The following ZC3H7B variants were observed in gnomAD, a reference collection of about 807,000 sequenced individuals.
The protein encoded by ZC3H7B is zinc finger CCCH domain-containing protein 7B.
A neutral mutation model predicts 116.0 loss-of-function variants in ZC3H7B; 35 were observed. The observed-to-expected ratio is 0.30, with a 90% CI of 0.23 to 0.40. The LOEUF is 0.40. Among genes scored for constraint, ZC3H7B ranks in the 10% least tolerant of loss-of-function variants. The pLI is 1.00. For missense variants in ZC3H7B, 1,011 were observed against 1,321.5 expected (o/e 0.77, Z 3.64); for synonymous variants, 502 against 545.6 (o/e 0.92, Z 1.11).
intron 22 of ZC3H7B, 69 bp downstream of exon 22, chr22:41,356,877 C>G (rs1226602547): frequency 4.4e-6 from 7 of 1,597,478 alleles, no homozygotes; most frequent in Non-Finnish European, 6.0e-6. Flanking sequence ...GTGGCCAGCT[C>G]TGGCTCCTCT....
chr22:41,337,196 C>T (rs946099281), intron 7 of ZC3H7B, among the ~76,000 whole-genome samples: 2 of 151,874 alleles, frequency 1.3e-5, no homozygotes, highest in East Asian at 1.9e-4. Flanking sequence ...GGCGTGGTGA[C>T]GGGTGCCTGT....
chr22:41,317,081 G>C (rs868236507), intron 1 of ZC3H7B, among the ~76,000 whole-genome samples: 1 of 151,420 alleles, frequency 6.6e-6, no homozygotes, highest in Admixed American at 6.6e-5. Context: ...CTCGTTATCC[G>C]CCTGCCTCAG....
chr22:41,356,377 G>A lies in ZC3H7B; in HGVS notation c.2418G>A (p.Leu806=), dbSNP rs2036717186. The change falls in exon 21 of 23, where the codon CTG becomes CTA. Residue 806 remains leucine, a synonymous_variant. Coordinates refer to ENST00000352645, the MANE Select transcript of ZC3H7B (RefSeq NM_017590.6). Reference sequence around the variant, plus strand: ...TGCAGCAGACCTATGACATGTGGCTGAAAAAACACAACCCAGGAAAGCCTG... The same window carrying A: ...TGCAGCAGACCTATGACATGTGGCTAAAAAAACACAACCCAGGAAAGCCTG... ...LDMQQTYDMW[L]KKHNPGKPGE... 1.2e-6 allele frequency: 2 copies of A among 1,614,120 alleles called. No homozygotes were observed. Among genetic ancestry groups the A allele is most frequent in the Non-Finnish European group, 1.7e-6 (2 of 1,180,038 alleles).
Position 41,340,038 on chromosome 22 carries a change from G to A in ZC3H7B, c.1039G>A (p.Asp347Asn), listed in dbSNP as rs776136179. ...CCTCGATCCCCCGGGCCCCACGCTG[G>A]ACCCCCTGGACCTGCTGCCGTACTC... is the stretch of plus-strand genomic sequence containing the variant. ...DALDPPGPTL[D>N]PLDLLPYSET... The change falls in exon 10 of 23, where the codon GAC (aspartate) becomes AAC (asparagine). Residue 347 changes from aspartate (D) to asparagine (N), a missense_variant. Around this residue, in one of 5 missense-constraint regions of ZC3H7B, gnomAD observed 99 missense variants for 89.5 expected, o/e 1.11. Coordinates refer to ENST00000352645, the MANE Select transcript of ZC3H7B (RefSeq NM_017590.6). The A allele has an allele frequency of 1.5e-5, 24 of 1,611,304 alleles. 1 individual carries two copies. In the South Asian group the frequency reaches 2.5e-4, roughly 17 times the overall value.
intron 10 of ZC3H7B, 139 bp from the exon 11 acceptor site, chr22:41,340,949 T>G: frequency 1.4e-6 from 1 of 720,696 alleles, no homozygotes; most frequent in African/African-American, 1.8e-5. Flanking sequence ...GAGGATAGAG[T>G]CAGGGGTTCA....
intron 1 of ZC3H7B, among the ~76,000 whole-genome samples, chr22:41,312,734 CCT>C (rs1451665080): frequency 2.6e-5 from 4 of 151,548 alleles, no homozygotes; most frequent in African/African-American, 9.7e-5. Flanking sequence ...GTGGTGAAAC[CCT>C]GTCTCTACAA....
At chr22:41,324,417 G>A (rs1019271856) in intron 2 of ZC3H7B, among the ~76,000 whole-genome samples, 1 of 152,220 alleles carries the variant, frequency 6.6e-6, no homozygotes, top group African/African-American at 2.4e-5. Context: ...TCCAGGCAAC[G>A]GAAAGATCTC....
rs1489223137 is a variant in ZC3H7B, at chr22:41,327,062, C to G, written c.286-144C>G. ...AGTGCTTCCTTCTCTCCTGGAGCCT[C>G]GAGCCCTGTCCCTGACCCAAGACTT... On this transcript the variant is annotated intron_variant, in intron 4 of 22. Coordinates refer to ENST00000352645, the MANE Select transcript of ZC3H7B (RefSeq NM_017590.6). This position sits in a 1 kb window ranked among gnomAD's most constrained non-coding sequence, Gnocchi z 4.5. 1.7e-6 allele frequency: 2 copies of G among 1,183,324 alleles called. No individual in the cohort carries two copies. Among genetic ancestry groups the G allele is most frequent in the Admixed American group, 2.6e-5 (1 of 38,308 alleles). 73.3% of individuals were successfully genotyped at this position (1,183,324 alleles called of 1,614,324 possible).
intron 7 of ZC3H7B, chr22:41,332,484 C>T: frequency 2.2e-6 from 1 of 461,142 alleles, no homozygotes; most frequent in Non-Finnish European, 3.9e-6. Context: ...GCAGCCTGGT[C>T]CCACACGCCT....
At position 41,356,038 on chromosome 22, in the gene ZC3H7B, T is replaced by C; in HGVS notation, c.2359T>C (p.Trp787Arg). Residue 787 changes from tryptophan (W) to arginine (R), a missense_variant, in exon 20 of 23, where the codon TGG becomes CGG. By Grantham distance (101) the Trp-to-Arg change is moderately radical (BLOSUM62 -3). This residue lies in a region of ZC3H7B where 406 missense variants were observed against 590.2 expected (regional missense o/e 0.69). Coordinates refer to ENST00000352645, the MANE Select transcript of ZC3H7B (RefSeq NM_017590.6). The part of the protein sequence containing the change: ...FAHSPEERDM[W>R]TFMKENKILD... ...ACACAGCCCGGAGGAGAGGGACATG[T>C]GGACCTTCATGAAGGAGAACAAGAG... 1 of 1,567,420 alleles carries C rather than the reference T, an allele frequency of 6.4e-7. No homozygotes were observed. Among genetic ancestry groups the C allele is most frequent in the Non-Finnish European group, 8.6e-7 (1 of 1,162,158 alleles).
intron 1 of ZC3H7B, among the ~76,000 whole-genome samples, chr22:41,303,503 A>G (rs541096080): frequency 5.3e-4 from 80 of 152,330 alleles, no homozygotes; most frequent in Non-Finnish European, 9.6e-4. Flanking sequence ...CCTCAATCTG[A>G]AAATAATAAT....
intron 17 of ZC3H7B, among the ~76,000 whole-genome samples, chr22:41,353,700 C>A (rs528818919): frequency 2.2e-3 from 337 of 152,346 alleles, no homozygotes; most frequent in Non-Finnish European, 2.2e-3. Flanking sequence ...GGGAGCAGGG[C>A]AGGCTGCCGG....
chr22:41,352,189 T>C (rs2036661752), intron 17 of ZC3H7B, among the ~76,000 whole-genome samples: 1 of 152,226 alleles, frequency 6.6e-6, no homozygotes, highest in Non-Finnish European at 1.5e-5. Flanking sequence ...TTGTGTTGCA[T>C]TGAGGTTTTT....
chr22:41,320,572 A>C, intron 1 of ZC3H7B, 83 bp from the exon 2 acceptor site: 1 of 1,511,952 alleles, frequency 6.6e-7, no homozygotes, highest in Admixed American at 1.7e-5. Context: ...GAGAGCACCC[A>C]ATCACAGGAC....
At position 41,327,245 on chromosome 22, in the gene ZC3H7B, C is replaced by T; in HGVS notation, c.325C>T (p.Leu109=). 2 of 1,614,118 alleles carry T rather than the reference C, an allele frequency of 1.2e-6. No individual in the cohort carries two copies. Among genetic ancestry groups the T allele is most frequent in the Non-Finnish European group, 1.7e-6 (2 of 1,180,054 alleles). The change falls in exon 5 of 23, where the codon CTG becomes TTG. Residue 109 remains leucine (L), a synonymous_variant. Transcript: ENST00000352645. This position sits in a 1 kb window ranked among gnomAD's most constrained non-coding sequence, Gnocchi z 4.5. ...GGCGCTGGAGGACAGCGAGAAGGCG[C>T]TGGGCCTGGACAGTGAGAGTATCCG... The part of the protein sequence containing the change: ...EKALEDSEKA[L]GLDSESIRAL...
At chr22:41,330,220 G>A in intron 6 of ZC3H7B, 117 bp downstream of exon 6, 2 of 989,256 alleles carry the variant, frequency 2.0e-6, no homozygotes, top group Non-Finnish European at 3.0e-6. Flanking sequence ...AGGACAGAGG[G>A]GAGTGACAGC....
Position 41,357,454 on chromosome 22 carries a change from G to A in ZC3H7B, c.*25G>A. ...GGGCCAGGTGTTGGCCGTGGGTGAA[G>A]TCCTGGGGTCAGGGGGTGGGGTGGG... On this transcript the variant is annotated 3_prime_UTR_variant, in exon 23 of 23. Transcript: ENST00000352645. This position sits in a 1 kb window ranked among gnomAD's most constrained non-coding sequence, Gnocchi z 5.4. The A allele has an allele frequency of 6.2e-7, 1 of 1,605,242 alleles. No homozygotes were observed. The highest frequency in any genetic ancestry group is 1.3e-5 in the African/African-American group (1 of 74,742).
In ZC3H7B at chr22:41,339,990, C is replaced by T; in HGVS notation, c.991C>T (p.Leu331=). Residue 331 remains leucine, a synonymous_variant, in exon 10 of 23, where the codon CTG becomes TTG. Transcript: ENST00000352645. ...CTTGGTCATGGACCCCTCCAAGAAGCTGGCCGCCTCTGTGCTGGATGCCCT... is the reference window on the plus strand; with the variant it reads ...CTTGGTCATGGACCCCTCCAAGAAGTTGGCCGCCTCTGTGCTGGATGCCCT... The part of the protein sequence containing the change: ...FGLVMDPSKK[L]AASVLDALDP... The T allele has an allele frequency of 1.2e-6, 2 of 1,611,542 alleles. No individual in the cohort carries two copies. The highest frequency in any genetic ancestry group is 8.5e-7 in the Non-Finnish European group (1 of 1,180,012).
intron 11 of ZC3H7B, among the ~76,000 whole-genome samples, chr22:41,342,118 T>A (rs1219861848): frequency 1.3e-5 from 2 of 151,290 alleles, no homozygotes; most frequent in African/African-American, 4.9e-5. Flanking sequence ...TGTGTGGTCC[T>A]GGGGAATTTC....
Sources: gnomAD v4.1 joint callset for allele counts (sites outside exome capture counted in the v4.1 genomes callset) on GRCh38, gnomAD v4.1.1 for gene constraint, gnomAD v4.1.1 regional missense constraint, Gnocchi (gnomAD v3.1) non-coding constraint, MANE v1.5 for transcripts, NCBI Gene and HGNC (gene_info 2026-07-23, HGNC 2026-07-21) for gene names.